SULF2: variants seen among roughly 807,000 people sequenced by gnomAD.
The protein encoded by SULF2 is sulfatase 2.
Under a neutral mutation model 107.7 loss-of-function variants are expected in SULF2, and 52 were observed. That is an observed-to-expected ratio of 0.48 (90% CI 0.39 to 0.61). The LOEUF (loss-of-function observed/expected upper bound fraction) is 0.61. Ranked by LOEUF, SULF2 falls within the 20% of genes least tolerant of loss-of-function variation. The pLI is 0.00. For missense variants in SULF2, 993 were observed against 1,177.3 expected, an observed-to-expected ratio of 0.84 and a Z score of 2.29; for synonymous variants, 460 against 464.3, an observed-to-expected ratio of 0.99 and a Z score of 0.12.
At chr20:47,668,346 C>T (rs1449709942) in intron 11 of SULF2, among the ~76,000 whole-genome samples, 5 of 152,236 alleles carry the variant, frequency 3.3e-5, no homozygotes, top group Non-Finnish European at 7.3e-5. Context: ...GGCTGAGTTG[C>T]AAAGCCCAAG....
At chr20:47,661,135 G>T (rs1275466418) in intron 18 of SULF2, among the ~76,000 whole-genome samples, 1 of 151,990 alleles carries the variant, frequency 6.6e-6, no homozygotes, top group African/African-American at 2.4e-5. Context: ...CCCACACAGG[G>T]TGGCCCGATG....
At chr20:47,658,975 A>G (rs2086981389) in intron 20 of SULF2, among the ~76,000 whole-genome samples, 1 of 152,194 alleles carries the variant, frequency 6.6e-6, no homozygotes, top group Admixed American at 6.5e-5. Context: ...CCAGTCTCTT[A>G]GTCCCTGTCA....
At chr20:47,755,633 C>T (rs1483903837) in intron 2 of SULF2, among the ~76,000 whole-genome samples, 2 of 152,188 alleles carry the variant, frequency 1.3e-5, no homozygotes, top group Non-Finnish European at 2.9e-5. Flanking sequence ...CTTCCATCAT[C>T]ACTGCCCTAT....
At chr20:47,714,338 G>A (rs184054059) in intron 3 of SULF2, among the ~76,000 whole-genome samples, 25 of 152,090 alleles carry the variant, frequency 1.6e-4, no homozygotes, top group African/African-American at 4.8e-5. Context: ...CTTGATTTTC[G>A]CCCTGTGATC....
intron 3 of SULF2, among the ~76,000 whole-genome samples, chr20:47,732,807 C>T (rs756246767): frequency 8.5e-5 from 13 of 152,150 alleles, no homozygotes; most frequent in Non-Finnish European, 1.9e-4. Context: ...TACGCCACTG[C>T]ACTCCAGCGT....
At chr20:47,733,975 T>C (rs1343807618) in intron 3 of SULF2, among the ~76,000 whole-genome samples, 1 of 152,212 alleles carries the variant, frequency 6.6e-6, no homozygotes, top group East Asian at 1.9e-4. Context: ...CAAACACAAA[T>C]GGCTAATAAC....
intron 15 of SULF2, 65 bp from the exon 16 acceptor site, chr20:47,663,687 T>C: frequency 2.0e-6 from 3 of 1,496,768 alleles, no homozygotes; most frequent in Non-Finnish European, 2.7e-6. Flanking sequence ...ATGTCTCTGC[T>C]CTTCCTGTCC....
At chr20:47,764,452 C>G (rs192145226) in intron 1 of SULF2, among the ~76,000 whole-genome samples, 108 of 152,330 alleles carry the variant, frequency 7.1e-4, no homozygotes, top group African/African-American at 2.0e-3. Context: ...TCCCACCCCC[C>G]CTTATATATG....
At chr20:47,739,804 T>C (rs193033783) in intron 2 of SULF2, among the ~76,000 whole-genome samples, 42 of 152,362 alleles carry the variant, frequency 2.8e-4, no homozygotes, top group Middle Eastern at 3.4e-3. Context: ...TAAAATACTA[T>C]CTTACACTCG....
chr20:47,677,400 C>CTGTGTCTGTG (rs2087681077), intron 8 of SULF2, among the ~76,000 whole-genome samples: 2 of 143,918 alleles, frequency 1.4e-5, no homozygotes, highest in African/African-American at 2.6e-5. Flanking sequence ...ACCCAAGTAA[C>CTGTGTCTGTG]TGTGTGTGTG....
intron 2 of SULF2, among the ~76,000 whole-genome samples, chr20:47,754,582 T>C (rs529445429): frequency 3.7e-4 from 57 of 152,304 alleles, no homozygotes; most frequent in Middle Eastern, 3.4e-3. Context: ...TGTAGTGCTA[T>C]TGGGCAAGAG....
rs143293195 is a variant in SULF2, at chr20:47,733,835, C to T, written c.415+2868G>A. 2.0e-5 allele frequency among the ~76,000 whole-genome samples: 3 copies of T among 152,306 alleles called. No individual in the cohort carries two copies. The East Asian group carries it at 5.8e-4, about 29-fold the overall frequency. On this transcript the variant is annotated intron_variant, in intron 3 of 20. Coordinates refer to ENST00000688720, the MANE Select transcript of SULF2 (RefSeq NM_001387048.1). Reference sequence around the variant, plus strand: ...TTCTCGAAACATTGTAGTTTCATTTCAAGATCAAATACCTTACTAAATACA... The same window carrying T: ...TTCTCGAAACATTGTAGTTTCATTTTAAGATCAAATACCTTACTAAATACA...
chr20:47,736,628 G>A lies in SULF2; in HGVS notation c.415+75C>T. On this transcript the variant is annotated intron_variant, in intron 3 of 20. Transcript: ENST00000688720. ...CCAGAATCAACTTGGGTACCGCAGT[G>A]GTGTGCAGACCACACCTAGGGACGC... 5 of 1,584,678 alleles carry A rather than the reference G, an allele frequency of 3.2e-6. No individual in the cohort carries two copies. In the South Asian group the frequency reaches 5.7e-5, roughly 18 times the overall value.
chr20:47,707,140 C>T (rs2088770852), intron 3 of SULF2, among the ~76,000 whole-genome samples: 1 of 151,890 alleles, frequency 6.6e-6, no homozygotes, highest in Admixed American at 6.6e-5. Context: ...CAGGCATGGC[C>T]ACCACACCTG....
intron 1 of SULF2, among the ~76,000 whole-genome samples, chr20:47,772,822 T>C (rs557067387): frequency 6.6e-6 from 1 of 152,322 alleles, no homozygotes; most frequent in African/African-American, 2.4e-5. Flanking sequence ...GGGACCTGGT[T>C]GGTGGAGGCC....
chr20:47,757,015 C>T (rs1442930342), intron 2 of SULF2, among the ~76,000 whole-genome samples, 174 bp downstream of exon 2: 2 of 152,230 alleles, frequency 1.3e-5, no homozygotes, highest in African/African-American at 2.4e-5. Flanking sequence ...GACCCCTAAC[C>T]TTGAGGACCC....
At chr20:47,693,821 T>C (rs533830433) in intron 4 of SULF2, among the ~76,000 whole-genome samples, 5 of 152,296 alleles carry the variant, frequency 3.3e-5, no homozygotes, top group Non-Finnish European at 7.4e-5. Context: ...CACAGTCTAA[T>C]GTTTCAAAGT....
At chr20:47,719,075 C>G (rs950242444) in intron 3 of SULF2, among the ~76,000 whole-genome samples, 7 of 152,100 alleles carry the variant, frequency 4.6e-5, no homozygotes, top group Non-Finnish European at 7.4e-5. Context: ...ACTTTGTCAC[C>G]AATGGGAATT....
At chr20:47,702,314 C>G (rs2088598133) in intron 4 of SULF2, among the ~76,000 whole-genome samples, 1 of 152,170 alleles carries the variant, frequency 6.6e-6, no homozygotes, top group South Asian at 2.1e-4. Context: ...CCTGCCTTAG[C>G]CTCCCAAAGT....
Sources: allele counts gnomAD v4.1 joint callset (sites outside exome capture counted in the v4.1 genomes callset), GRCh38; gene constraint gnomAD v4.1.1; transcripts MANE v1.5; gene names NCBI Gene and HGNC (gene_info 2026-07-23, HGNC 2026-07-21).